Variants in TUT4 observed in about 807,000 individuals in gnomAD.
TUT4 encodes the protein terminal uridylyltransferase 4.
TUT4 carries 36 observed loss-of-function variants against 192.2 expected under a neutral mutation model. The ratio of observed to expected loss-of-function variants is 0.19; its 90% CI spans 0.14 to 0.25. TUT4 has a LOEUF of 0.25. Among genes scored for constraint, TUT4 ranks in the 10% least tolerant of loss-of-function variants. The probability of loss-of-function intolerance (pLI) is 1.00; values close to 1 mark genes in which losing one functional copy is unlikely to be tolerated. For synonymous variants in TUT4, 618 were observed against 666.0 expected, an observed-to-expected ratio of 0.93 and a Z score of 1.11; for missense variants, 1,493 against 1,957.2, an observed-to-expected ratio of 0.76 and a Z score of 4.47.
At chr1:52,500,000 T>C (rs1370497195) in intron 4 of TUT4, among the ~76,000 whole-genome samples, 7 of 151,780 alleles carry the variant, frequency 4.6e-5, no homozygotes. Flanking sequence ...TGCCTGTCTG[T>C]AATCCCAGCT....
chr1:52,452,923 G>A (rs535212354), intron 20 of TUT4, among the ~76,000 whole-genome samples: 14 of 152,240 alleles, frequency 9.2e-5, no homozygotes, highest in South Asian at 8.3e-4. Context: ...GGACTGAGCC[G>A]TCAACCAGTG....
intron 20 of TUT4, among the ~76,000 whole-genome samples, chr1:52,454,560 G>C (rs143983585): frequency 2.0e-5 from 3 of 152,074 alleles, no homozygotes; most frequent in Non-Finnish European, 4.4e-5. Flanking sequence ...ACCTTATACC[G>C]TTCACAAAAA....
In TUT4 at chr1:52,471,996, T is replaced by A. The variant is rs775407405; in HGVS notation, c.2834A>T (p.Asn945Ile). The change falls in exon 14 of 30, where the codon AAC becomes ATC. Residue 945 changes from asparagine (N) to isoleucine (I), a missense_variant. Physicochemically the swap from Asn to Ile is moderately radical, Grantham distance 149. Around this residue, in one of 7 missense-constraint regions of TUT4, gnomAD observed 59 missense variants for 114.3 expected, o/e 0.52. Transcript: ENST00000257177. ...IDLKPLPPMTNRFREILDLVC... is the reference protein window; with the variant it reads ...IDLKPLPPMTIRFREILDLVC... Reference sequence around the variant, plus strand: ...TAAATCAAGTATTTCCCGAAATCGGTTTGTCATTGGTGGTAGAGGTTTTAA... The same window carrying A: ...TAAATCAAGTATTTCCCGAAATCGGATTGTCATTGGTGGTAGAGGTTTTAA... 5 of 1,613,578 alleles carry A rather than the reference T, an allele frequency of 3.1e-6. No individual in the cohort carries two copies. The highest frequency in any genetic ancestry group is 4.2e-6 in the Non-Finnish European group (5 of 1,179,758).
chr1:52,443,770 C>T (rs943034343), intron 24 of TUT4, among the ~76,000 whole-genome samples: 4 of 151,356 alleles, frequency 2.6e-5, no homozygotes, highest in Non-Finnish European at 5.9e-5. Context: ...ATCAAAAAAA[C>T]AAAAATAAAC....
rs574613411 is a variant in TUT4, at chr1:52,506,567, T to C, written c.999+3029A>G. Among the ~76,000 whole-genome samples the C allele has an allele frequency of 2.6e-5, 4 of 152,338 alleles. No homozygotes were observed. In the East Asian group the frequency reaches 5.8e-4, roughly 22 times the overall value. The stretch of plus-strand genomic sequence containing the variant: ...CTTATCTTCAAGAGTTCACTAACCT[T>C]TTCTTTTGCAATGTTTGATGTACTA... On this transcript the variant is annotated intron_variant, in intron 4 of 29. Transcript: ENST00000257177.
At chr1:52,429,573 T>C (rs866021542) in intron 28 of TUT4, among the ~76,000 whole-genome samples, 38 of 141,712 alleles carry the variant, frequency 2.7e-4, no homozygotes, top group East Asian at 1.0e-3. Context: ...TATATATATA[T>C]ACTTTTTTTT....
chr1:52,477,008 A>G (rs938458316), intron 12 of TUT4, among the ~76,000 whole-genome samples: 1 of 152,082 alleles, frequency 6.6e-6, no homozygotes, highest in Non-Finnish European at 1.5e-5. Flanking sequence ...ATCAGTTTTT[A>G]TTTTTCTCCT....
At chr1:52,520,196 A>G (rs527468711) in intron 2 of TUT4, among the ~76,000 whole-genome samples, 35 of 152,318 alleles carry the variant, frequency 2.3e-4, no homozygotes, top group African/African-American at 7.9e-4. Flanking sequence ...AGAAGTAAAC[A>G]AATGAGGGCA....
chr1:52,483,158 A>C (rs934009748), intron 9 of TUT4, among the ~76,000 whole-genome samples: 1 of 152,156 alleles, frequency 6.6e-6, no homozygotes, highest in Non-Finnish European at 1.5e-5. Context: ...TCTGATGGTT[A>C]CTTTAATTTG....
At chr1:52,448,428 A>G (rs1658246318) in intron 20 of TUT4, among the ~76,000 whole-genome samples, 1 of 152,046 alleles carries the variant, frequency 6.6e-6, no homozygotes, top group East Asian at 1.9e-4. Context: ...TCTCTAATAA[A>G]AATACAAAAA....
chr1:52,451,768 A>C (rs2148545879), intron 20 of TUT4, among the ~76,000 whole-genome samples: 1 of 151,138 alleles, frequency 6.6e-6, no homozygotes, highest in Admixed American at 6.6e-5. Flanking sequence ...GCTTGAACCC[A>C]GGAGGCGGAG....
At chr1:52,499,163 C>G (rs1557859926) in intron 4 of TUT4, among the ~76,000 whole-genome samples, 1 of 151,606 alleles carries the variant, frequency 6.6e-6, no homozygotes, top group Non-Finnish European at 1.5e-5. Flanking sequence ...ACTTGAGAAG[C>G]CAAGGCAGGT....
chr1:52,472,136 A>C (rs1474302370), intron 13 of TUT4, 34 bp from the exon 14 acceptor site: 1 of 1,597,734 alleles, frequency 6.3e-7, no homozygotes, highest in East Asian at 2.3e-5. Flanking sequence ...TAATCTAATA[A>C]ACTTTTGAGG....
At chr1:52,465,045 C>T (rs748576581) in intron 16 of TUT4, 25 bp downstream of exon 16, 2 of 1,549,676 alleles carry the variant, frequency 1.3e-6, no homozygotes, top group Non-Finnish European at 1.7e-6. Context: ...AATAAACTTA[C>T]ATAACGCTTT....
chr1:52,490,142 A>G (rs1670765753), intron 8 of TUT4, among the ~76,000 whole-genome samples: 1 of 149,432 alleles, frequency 6.7e-6, no homozygotes, highest in Non-Finnish European at 1.5e-5. Flanking sequence ...GATCCTTGAG[A>G]AGAGAGGCTT....
intron 1 of TUT4, among the ~76,000 whole-genome samples, chr1:52,535,941 T>C (rs1441232469): frequency 6.6e-6 from 1 of 152,218 alleles, no homozygotes; most frequent in Non-Finnish European, 1.5e-5. Context: ...GGAGAAATTA[T>C]ATTTCCAGAT....
chr1:52,431,175 G>A lies in TUT4; in HGVS notation c.4549C>T (p.Pro1517Ser). The part of the protein sequence containing the change: ...PIHGPVIHSA[P>S]GSAPSNIGLN... Reference sequence around the variant, plus strand: ...CCAATATTGCTGGGGGCACTGCCTGGTGCAGAGTGGATCACTGGGCCATGG... The same window carrying A: ...CCAATATTGCTGGGGGCACTGCCTGATGCAGAGTGGATCACTGGGCCATGG... The change falls in exon 28 of 30, where the codon CCA (proline) becomes TCA (serine). Residue 1517 changes from proline to serine, a missense_variant. By Grantham distance (74) the Pro-to-Ser change is moderately conservative. Around this residue, in one of 7 missense-constraint regions of TUT4, gnomAD observed 351 missense variants for 397.8 expected, o/e 0.88. Coordinates refer to ENST00000257177, the MANE Select transcript of TUT4 (RefSeq NM_001009881.3). 2 of 1,614,270 alleles carry A rather than the reference G, an allele frequency of 1.2e-6. No individual in the cohort carries two copies. Among genetic ancestry groups the A allele is most frequent in the South Asian group, 1.1e-5 (1 of 91,088 alleles).
rs1243090705 is a variant in TUT4 at position 52,474,856 on chromosome 1, A to G, written c.2703T>C (p.Asp901=). Residue 901 remains aspartate (D), a synonymous_variant, in exon 13 of 30, where the codon GAT becomes GAC. Transcript: ENST00000257177. ...LPTQELYYVF[D]KFILTSGKPP... Reference sequence around the variant, plus strand: ...CCTTGCCAGAGGTTAAAATAAACTTATCAAACACATAATATAATTCCTGGG... The same window carrying G: ...CCTTGCCAGAGGTTAAAATAAACTTGTCAAACACATAATATAATTCCTGGG... 1.2e-6 allele frequency: 2 copies of G among 1,607,308 alleles called. No homozygotes were observed. Among genetic ancestry groups the G allele is most frequent in the Admixed American group, 1.7e-5 (1 of 59,396 alleles).
At chr1:52,514,590 G>A (rs1161071333) in intron 3 of TUT4, among the ~76,000 whole-genome samples, 1 of 151,956 alleles carries the variant, frequency 6.6e-6, no homozygotes, top group African/African-American at 2.4e-5. Flanking sequence ...TTCATGTGGC[G>A]ACTACTCTGC....
Sources: allele counts gnomAD v4.1 joint callset (sites outside exome capture counted in the v4.1 genomes callset), GRCh38; gene constraint gnomAD v4.1.1; regional missense constraint gnomAD v4.1.1; transcripts MANE v1.5; gene names NCBI Gene and HGNC (gene_info 2026-07-23, HGNC 2026-07-21).